ASTN2: variants seen among roughly 807,000 people sequenced by gnomAD.
ASTN2 encodes astrotactin 2, also known as astrotactin-2.
ASTN2 carries 54 observed loss-of-function variants against 139.8 expected under a neutral mutation model. That is an observed-to-expected ratio of 0.39 (90% CI 0.31 to 0.48). The LOEUF (loss-of-function observed/expected upper bound fraction) is 0.48. ASTN2 is among the 20% of genes least tolerant of loss of function. The pLI is 0.95. For missense variants in ASTN2, 1,565 were observed against 1,725.1 expected, an observed-to-expected ratio of 0.91 and a Z score of 1.64; for synonymous variants, 756 against 719.5, an observed-to-expected ratio of 1.05 and a Z score of -0.81.
intron 13 of ASTN2, among the ~76,000 whole-genome samples, chr9:116,748,651 C>T (rs996981561): frequency 6.6e-6 from 1 of 152,180 alleles, no homozygotes; most frequent in Non-Finnish European, 1.5e-5. Flanking sequence ...AGCAGACACA[C>T]AGTAGGTACA....
chr9:116,986,237 C>T (rs145623966), intron 7 of ASTN2, among the ~76,000 whole-genome samples: 207 of 149,584 alleles, frequency 1.4e-3, no homozygotes, highest in African/African-American at 4.9e-3. Flanking sequence ...GCTGCCCTTC[C>T]AGGCTTCCTG....
chr9:117,407,147 G>T (rs1391134014), intron 1 of ASTN2, among the ~76,000 whole-genome samples: 2 of 152,138 alleles, frequency 1.3e-5, no homozygotes, highest in African/African-American at 4.8e-5. Context: ...AAAGCAAGAA[G>T]GAATTTCCCC....
At chr9:117,053,498 C>T (rs116310508) in intron 5 of ASTN2, among the ~76,000 whole-genome samples, 187 of 152,160 alleles carry the variant, frequency 1.2e-3, no homozygotes, top group African/African-American at 4.0e-3. Flanking sequence ...GCATTATGCT[C>T]ATTTTAGAAA....
chr9:116,601,447 G>A (rs1408579856), intron 19 of ASTN2, among the ~76,000 whole-genome samples: 1 of 152,144 alleles, frequency 6.6e-6, no homozygotes. Flanking sequence ...GGTAACTCTG[G>A]CTTTAGAGTT....
chr9:116,800,914 G>A (rs540061196), intron 13 of ASTN2, among the ~76,000 whole-genome samples: 58 of 152,278 alleles, frequency 3.8e-4, no homozygotes, highest in African/African-American at 1.3e-3. Flanking sequence ...AGAGATTCAA[G>A]AGAGGAAATG....
At position 116,498,423 on chromosome 9, in the gene ASTN2, AAAAAAC is replaced by A. The variant is rs1266691935; in HGVS notation, c.3356-10929_3356-10924del. ...AGCATAGCAAGACCCCATCTCTAAA[AAAAAAC>A]AAAAAACAAAAAACAAAAAACAGCC... On this transcript the variant is annotated intron_variant, in intron 19 of 22. Coordinates refer to ENST00000313400, the MANE Select transcript of ASTN2 (RefSeq NM_001365068.1). Among the ~76,000 whole-genome samples, 7 of 126,294 alleles carry A rather than the reference AAAAAAC, an allele frequency of 5.5e-5. No homozygotes were observed. The South Asian group carries it at 1.3e-3, about 23-fold the overall frequency. The allele number at this position is 126,294 out of a possible 152,430, so 82.9% of individuals were successfully genotyped here.
intron 13 of ASTN2, among the ~76,000 whole-genome samples, chr9:116,768,354 A>AT: frequency 6.6e-6 from 1 of 152,152 alleles, no homozygotes; most frequent in Non-Finnish European, 1.5e-5. Flanking sequence ...TGAGTAGCCT[A>AT]TGACACAGAG....
At position 117,252,548 on chromosome 9, in the gene ASTN2, T is replaced by TC. The variant is rs1314712337; in HGVS notation, c.631-37807dup. ...CACATGGTGCTAATGGCCCAGTGTC[T>TC]CCCAACTATGTTCTTTGCACAAGGT... On this transcript the variant is annotated intron_variant, in intron 2 of 22. Transcript: ENST00000313400. 8.5e-5 allele frequency among the ~76,000 whole-genome samples: 13 copies of TC among 152,250 alleles called. No homozygotes were observed. The South Asian group carries it at 2.7e-3, about 32-fold the overall frequency.
At chr9:117,242,676 T>C (rs1471456374) in intron 2 of ASTN2, among the ~76,000 whole-genome samples, 1 of 152,188 alleles carries the variant, frequency 6.6e-6, no homozygotes, top group Non-Finnish European at 1.5e-5. Context: ...TAAGCATGAC[T>C]GGAGATGATG....
chr9:116,735,998 A>G (rs1828916427), intron 13 of ASTN2, among the ~76,000 whole-genome samples: 1 of 152,164 alleles, frequency 6.6e-6, no homozygotes, highest in South Asian at 2.1e-4. Flanking sequence ...TCTTCACCCA[A>G]CTCTGTGAAG....
At chr9:116,847,925 G>C (rs1458732091) in intron 11 of ASTN2, among the ~76,000 whole-genome samples, 1 of 152,188 alleles carries the variant, frequency 6.6e-6, no homozygotes, top group East Asian at 1.9e-4. Flanking sequence ...ACAGTGATTA[G>C]ATGTGGGGCG....
At chr9:116,788,499 C>T (rs889724965) in intron 13 of ASTN2, among the ~76,000 whole-genome samples, 9 of 151,978 alleles carry the variant, frequency 5.9e-5, no homozygotes, top group East Asian at 1.9e-4. Context: ...GAGTGGAATA[C>T]GGAAAAGAAC....
At chr9:117,291,544 G>A in intron 1 of ASTN2, 31 bp from the exon 2 acceptor site, 1 of 1,551,490 alleles carries the variant, frequency 6.4e-7, no homozygotes, top group Non-Finnish European at 8.7e-7. Context: ...CACTGGGTGA[G>A]CCGTACGCCT....
intron 19 of ASTN2, chr9:116,562,399 G>A (rs1852960222): frequency 6.6e-6 from 1 of 151,932 alleles, no homozygotes; most frequent in South Asian, 2.1e-4. Flanking sequence ...GTGAACTTTG[G>A]AGATCAGGTT....
intron 19 of ASTN2, among the ~76,000 whole-genome samples, chr9:116,535,874 C>T (rs574835661): frequency 4.3e-4 from 65 of 152,232 alleles, no homozygotes; most frequent in Middle Eastern, 6.8e-3. Context: ...GTGGCTTTCT[C>T]TGTATTTCCT....
At chr9:116,821,104 G>A (rs962563010) in intron 11 of ASTN2, among the ~76,000 whole-genome samples, 11 of 152,138 alleles carry the variant, frequency 7.2e-5, no homozygotes, top group Non-Finnish European at 1.3e-4. Flanking sequence ...TGCTAATATT[G>A]ATATTGCTGG....
intron 3 of ASTN2, among the ~76,000 whole-genome samples, chr9:117,208,147 G>A (rs1831999216): frequency 6.6e-6 from 1 of 152,090 alleles, no homozygotes; most frequent in Admixed American, 6.6e-5. Context: ...TAATTTGCTA[G>A]CAGCAGACCC....
At chr9:117,025,080 T>C (rs1838020580) in intron 6 of ASTN2, among the ~76,000 whole-genome samples, 1 of 152,092 alleles carries the variant, frequency 6.6e-6, no homozygotes, top group African/African-American at 2.4e-5. Context: ...TTACCGAGTC[T>C]CGGGTATATC....
intron 3 of ASTN2, among the ~76,000 whole-genome samples, chr9:117,194,607 T>C (rs1356472040): frequency 1.3e-5 from 2 of 152,244 alleles, no homozygotes; most frequent in African/African-American, 4.8e-5. Flanking sequence ...ACGTTGTGGA[T>C]AAACATAGCT....
Sources: gnomAD v4.1 joint callset for allele counts (sites outside exome capture counted in the v4.1 genomes callset) on GRCh38, gnomAD v4.1.1 for gene constraint, MANE v1.5 for transcripts, NCBI Gene and HGNC (gene_info 2026-07-23, HGNC 2026-07-21) for gene names.